GPSM2: variants seen among roughly 807,000 people sequenced by gnomAD.
GPSM2 encodes the protein G protein signaling modulator 2.
A neutral mutation model predicts 78.4 loss-of-function variants in GPSM2; 58 were observed. The observed-to-expected ratio is 0.74, with a 90% CI of 0.60 to 0.92. The LOEUF is 0.92. Among genes scored for constraint, GPSM2 ranks in the 40% least tolerant of loss-of-function variants. GPSM2 has a pLI of 0.00. For synonymous variants in GPSM2, 224 were observed against 280.2 expected, an observed-to-expected ratio of 0.80 and a Z score of 2.00; for missense variants, 700 against 815.5, an observed-to-expected ratio of 0.86 and a Z score of 1.73.
intron 10 of GPSM2, 76 bp from the exon 11 acceptor site, chr1:108,914,262 T>C (rs1649999644): frequency 5.3e-6 from 5 of 949,450 alleles, no homozygotes; most frequent in Non-Finnish European, 8.6e-6. Context: ...ATTTTAGAAC[T>C]GAATAATGTA....
At chr1:108,900,518 C>T (rs914601963) in intron 7 of GPSM2, among the ~76,000 whole-genome samples, 3 of 152,054 alleles carry the variant, frequency 2.0e-5, no homozygotes, top group African/African-American at 4.8e-5. Flanking sequence ...GGATTACAGG[C>T]GTGAACCACC....
At chr1:108,905,768 GTGA>G (rs1244118466) in intron 10 of GPSM2, among the ~76,000 whole-genome samples, 1 of 151,680 alleles carries the variant, frequency 6.6e-6, no homozygotes, top group Non-Finnish European at 1.5e-5. Context: ...GAACTTTTCT[GTGA>G]TGATAAAAAC....
chr1:108,892,803 T>A (rs1234358629), intron 2 of GPSM2, among the ~76,000 whole-genome samples: 4 of 152,246 alleles, frequency 2.6e-5, no homozygotes, highest in Non-Finnish European at 5.9e-5. Flanking sequence ...AATCTATATT[T>A]GATTCAGGTG....
Position 108,931,502 on chromosome 1 carries a change from G to T in GPSM2, c.*1562G>T. ...TGTGCACAGCTGGGATGGGATCTGG[G>T]GATGTGGACCCCTATTCTTTCAAAA... On this transcript the variant is annotated 3_prime_UTR_variant, in exon 15 of 15. Coordinates refer to ENST00000264126, the MANE Select transcript of GPSM2 (RefSeq NM_013296.5). The T allele has an allele frequency of 1.3e-6, 2 of 1,547,742 alleles. No homozygotes were observed. Among genetic ancestry groups the T allele is most frequent in the Non-Finnish European group, 8.7e-7 (1 of 1,145,644 alleles).
At chr1:108,928,199 A>C (rs1651290073) in intron 14 of GPSM2, among the ~76,000 whole-genome samples, 1 of 152,256 alleles carries the variant, frequency 6.6e-6, no homozygotes, top group African/African-American at 2.4e-5. Context: ...AAACTCCTAA[A>C]ACTCAACAAA....
In GPSM2 at chr1:108,885,423, T is replaced by A. The variant is rs893271482; in HGVS notation, c.-100T>A. On this transcript the variant is annotated 5_prime_UTR_variant, in exon 2 of 15. Transcript: ENST00000264126. Reference sequence around the variant, plus strand: ...ATGTATTAACACCAACTCATTAATATACTAACCGGACAATGTTCTACAAAC... The same window carrying A: ...ATGTATTAACACCAACTCATTAATAAACTAACCGGACAATGTTCTACAAAC... 7 of 720,290 alleles carry A rather than the reference T, an allele frequency of 9.7e-6. No individual in the cohort carries two copies. The highest frequency in any genetic ancestry group is 1.8e-5 in the African/African-American group (1 of 56,620). 44.6% of individuals were successfully genotyped at this position (720,290 alleles called of 1,614,324 possible).
In GPSM2 at chr1:108,932,317, T is replaced by G. The variant is rs1652135134; in HGVS notation, c.*2377T>G. 6.6e-6 allele frequency: 1 copy of G among 152,126 alleles called. No homozygotes were observed. The highest frequency in any genetic ancestry group is 1.9e-4 in the East Asian group (1 of 5,196). 9.4% of individuals were successfully genotyped at this position (152,126 alleles called of 1,614,324 possible). ...AAGCTTCACAATATAAACCTTAATT[T>G]TAATGACATATTGGCTAGTCAATAA... On this transcript the variant is annotated 3_prime_UTR_variant, in exon 15 of 15. Transcript: ENST00000264126.
In GPSM2 at chr1:108,897,056, A is replaced by C; in HGVS notation, c.249A>C (p.Glu83Asp). Residue 83 changes from glutamate to aspartate, a missense_variant, in exon 3 of 15, where the codon GAA (glutamate) becomes GAC (aspartate). Transcript: ENST00000264126. Reference protein sequence around the residue: ...FYLHDYAKALEYHHHDLTLAR... With the variant: ...FYLHDYAKALDYHHHDLTLAR... ...TGCATGATTATGCCAAAGCATTAGA[A>C]TATCACCATCATGATTTAACCCTTG... The C allele has an allele frequency of 6.2e-7, 1 of 1,610,734 alleles. No individual in the cohort carries two copies. The highest frequency in any genetic ancestry group is 1.8e-4 in the Middle Eastern group (1 of 5,672).
intron 10 of GPSM2, among the ~76,000 whole-genome samples, chr1:108,908,710 A>C (rs1649459054): frequency 1.0e-5 from 1 of 96,104 alleles, no homozygotes; most frequent in Non-Finnish European, 2.0e-5. Context: ...CGACAGCCAG[A>C]CTCCATCTCA....
Position 108,929,798 on chromosome 1 carries a change from C to T in GPSM2, c.1913C>T (p.Ser638Phe). 1 of 1,613,926 alleles carries T rather than the reference C, an allele frequency of 6.2e-7. No individual in the cohort carries two copies. Among genetic ancestry groups the T allele is most frequent in the Non-Finnish European group, 8.5e-7 (1 of 1,179,870 alleles). ...DEDFFSLILR[S>F]QGKRMDEQRV... is the part of the protein sequence containing the mutation. The stretch of plus-strand genomic sequence containing the variant: ...GACTTTTTCAGCCTTATTTTACGGT[C>T]CCAGGGAAAGAGAATGGATGAACAG... The change falls in exon 15 of 15, where the codon TCC becomes TTC. Residue 638 changes from serine (S) to phenylalanine (F), a missense_variant. Ser to Phe is a radical substitution (Grantham distance 155). Transcript: ENST00000264126.
chr1:108,908,680 T>C (rs7521011), intron 10 of GPSM2, among the ~76,000 whole-genome samples: 49,930 of 149,730 alleles, frequency 0.33, 9,191 homozygotes, highest in African/African-American at 0.5. Context: ...AAAACACACG[T>C]GCGCGCACAC....
At chr1:108,882,931 T>C (rs1647233877) in intron 1 of GPSM2, among the ~76,000 whole-genome samples, 1 of 152,204 alleles carries the variant, frequency 6.6e-6, no homozygotes, top group Non-Finnish European at 1.5e-5. Context: ...TAGCCCGTGC[T>C]GTGGCATGCA....
chr1:108,919,613 C>G (rs1028623748), intron 12 of GPSM2, among the ~76,000 whole-genome samples: 20 of 151,930 alleles, frequency 1.3e-4, no homozygotes, highest in Non-Finnish European at 2.9e-5. Context: ...TGGTATATGC[C>G]TATGGTCCCA....
chr1:108,904,096 A>G (rs1404545488), intron 9 of GPSM2, 29 bp from the exon 10 acceptor site: 2 of 1,505,184 alleles, frequency 1.3e-6, no homozygotes, highest in Non-Finnish European at 1.8e-6. Context: ...TTTAAATACT[A>G]CTCTAAAATA....
At chr1:108,910,614 C>T (rs1447554999) in intron 10 of GPSM2, among the ~76,000 whole-genome samples, 1 of 152,124 alleles carries the variant, frequency 6.6e-6, no homozygotes, top group Admixed American at 6.5e-5. Flanking sequence ...CCTGTAATCC[C>T]AGCACTTTGG....
At position 108,897,005 on chromosome 1, in the gene GPSM2, C is replaced by T. The variant is rs1279692576; in HGVS notation, c.198C>T (p.Ser66=). 4.3e-6 allele frequency: 7 copies of T among 1,613,524 alleles called. No individual in the cohort carries two copies. The Admixed American group carries it at 6.7e-5, about 15-fold the overall frequency. The change falls in exon 3 of 15, where the codon AGC becomes AGT. Residue 66 remains serine (S), a synonymous_variant. Transcript: ENST00000264126. ...TAAAAACACTTAGCGCTATTTACAG[C>T]CAGTTGGGCAATGCTTATTTCTATT... ...EDLKTLSAIY[S]QLGNAYFYLH... is the part of the protein sequence containing the mutation.
intron 10 of GPSM2, among the ~76,000 whole-genome samples, chr1:108,912,578 A>T (rs1479759382): frequency 5.0e-4 from 44 of 87,642 alleles, no homozygotes; most frequent in African/African-American, 7.1e-4. Context: ...CTGTCTGTAT[A>T]AAAAAAAAAA....
At chr1:108,881,014 T>G (rs1451194459) in intron 1 of GPSM2, among the ~76,000 whole-genome samples, 1 of 152,224 alleles carries the variant, frequency 6.6e-6, no homozygotes, top group Non-Finnish European at 1.5e-5. Context: ...TCTTGTCTGC[T>G]CTGATTGCAT....
intron 1 of GPSM2, among the ~76,000 whole-genome samples, chr1:108,882,240 C>T (rs745571278): frequency 4.6e-5 from 7 of 152,238 alleles, no homozygotes; most frequent in Non-Finnish European, 5.9e-5. Flanking sequence ...TGTCAGCCAC[C>T]GGGCCTACCT....
Sources: allele counts gnomAD v4.1 joint callset (sites outside exome capture counted in the v4.1 genomes callset), GRCh38; gene constraint gnomAD v4.1.1; transcripts MANE v1.5; gene names NCBI Gene and HGNC (gene_info 2026-07-23, HGNC 2026-07-21).